Variants in TBCD observed in about 807,000 individuals in gnomAD.
TBCD encodes tubulin folding cofactor D.
TBCD carries 105 observed loss-of-function variants against 169.3 expected under a neutral mutation model. The observed-to-expected ratio is 0.62, with a 90% CI of 0.53 to 0.73. The LOEUF is 0.73. Among genes scored for constraint, TBCD ranks in the 30% least tolerant of loss-of-function variants. The probability of loss-of-function intolerance (pLI) is 0.00; values close to 1 mark genes in which losing one functional copy is unlikely to be tolerated. For missense variants in TBCD, 1,444 were observed against 1,600.1 expected, an observed-to-expected ratio of 0.90 and a Z score of 1.66; for synonymous variants, 700 against 643.9, an observed-to-expected ratio of 1.09 and a Z score of -1.32.
intron 17 of TBCD, among the ~76,000 whole-genome samples, chr17:82,897,302 G>A (rs1313935356): frequency 6.6e-6 from 1 of 151,994 alleles, no homozygotes; most frequent in African/African-American, 2.4e-5. Context: ...GGCAGATCAC[G>A]AGGTCAAGAG....
At chr17:82,869,035 T>C (rs1465014555) in intron 13 of TBCD, among the ~76,000 whole-genome samples, 1 of 151,482 alleles carries the variant, frequency 6.6e-6, no homozygotes, top group Non-Finnish European at 1.5e-5. Flanking sequence ...GGCCTTGGTG[T>C]GTGGGTGCTT....
rs752766109 is a variant in TBCD at position 82,900,709 on chromosome 17, A to T, written c.1708A>T (p.Met570Leu). The change falls in exon 18 of 39, where the codon ATG becomes TTG. Residue 570 changes from methionine to leucine, a missense_variant. Met to Leu is a conservative substitution (Grantham distance 15). Coordinates refer to ENST00000355528, the MANE Select transcript of TBCD (RefSeq NM_005993.5). ...TQPMIDHLVT[M>L]KISHWDGVIR... ...GCCAATGATAGACCACCTGGTTACC[A>T]TGAAGATCAGCCACTGGGATGGGTA... 1 of 1,613,990 alleles carries T rather than the reference A, an allele frequency of 6.2e-7. No individual in the cohort carries two copies. The highest frequency in any genetic ancestry group is 1.1e-5 in the South Asian group (1 of 91,078).
chr17:82,886,637 TCCC>T, intron 15 of TBCD, among the ~76,000 whole-genome samples: 1 of 3,816 alleles, frequency 2.6e-4, no homozygotes, highest in African/African-American at 1.2e-3. Context: ...TGCAGTTTTC[TCCC>T]CTCCCCTCCC....
Position 82,806,105 on chromosome 17 carries a change from G to T in TBCD, c.1087+94G>T. Reference sequence around the variant, plus strand: ...CCACACTTCCTTCTTCCTTGCTGGTGCCGGCACTGTCTGGCCACCCGTCCC... The same window carrying T: ...CCACACTTCCTTCTTCCTTGCTGGTTCCGGCACTGTCTGGCCACCCGTCCC... On this transcript the variant is annotated intron_variant, in intron 10 of 38. Coordinates refer to ENST00000355528, the MANE Select transcript of TBCD (RefSeq NM_005993.5). This position sits in a 1 kb window ranked among gnomAD's most constrained non-coding sequence, Gnocchi z 5.1. 3 of 1,520,668 alleles carry T rather than the reference G, an allele frequency of 2.0e-6. No homozygotes were observed. In the South Asian group the frequency reaches 3.8e-5, roughly 19 times the overall value. 94.2% of individuals were successfully genotyped at this position (1,520,668 alleles called of 1,614,324 possible).
At chr17:82,932,592 GC>G in intron 33 of TBCD, 65 bp from the exon 34 acceptor site, 1 of 1,345,486 alleles carries the variant, frequency 7.4e-7, no homozygotes. Context: ...CTGACTCTCA[GC>G]CATTCAGGGA....
At chr17:82,894,989 A>G (rs1047787378) in intron 17 of TBCD, among the ~76,000 whole-genome samples, 1 of 152,180 alleles carries the variant, frequency 6.6e-6, no homozygotes, top group African/African-American at 2.4e-5. Flanking sequence ...GAAAAAGACA[A>G]TCTACCACCT....
At chr17:82,807,491 T>C in intron 10 of TBCD, 117 bp from the exon 11 acceptor site, 1 of 549,270 alleles carries the variant, frequency 1.8e-6, no homozygotes, top group Non-Finnish European at 2.8e-6. Flanking sequence ...ATTAATATTG[T>C]TAATGTAATT....
intron 12 of TBCD, 51 bp downstream of exon 12, chr17:82,809,833 G>T (rs2051295836): frequency 4.5e-6 from 7 of 1,562,926 alleles, no homozygotes; most frequent in Middle Eastern, 3.3e-4. Flanking sequence ...GAGTTGAGAA[G>T]CCCTGGCTTT....
intron 38 of TBCD, 111 bp downstream of exon 38, chr17:82,941,594 CCCT>C: frequency 1.1e-6 from 1 of 942,892 alleles, no homozygotes; most frequent in South Asian, 1.6e-5. Flanking sequence ...ACGGCCCGTT[CCCT>C]CGTCTCATGT....
chr17:82,934,995 C>G (rs978411447), intron 34 of TBCD, among the ~76,000 whole-genome samples: 1 of 151,968 alleles, frequency 6.6e-6, no homozygotes, highest in African/African-American at 2.4e-5. Context: ...GCCTGGGAGG[C>G]GAAGGTTGCC....
At chr17:82,793,348 T>C (rs756509664) in intron 7 of TBCD, among the ~76,000 whole-genome samples, 3 of 152,164 alleles carry the variant, frequency 2.0e-5, no homozygotes, top group Admixed American at 6.5e-5. Flanking sequence ...CTCTCTTCTG[T>C]TTCTGAGCGC....
intron 13 of TBCD, chr17:82,838,675 A>T: frequency 1.0e-6 from 1 of 985,452 alleles, no homozygotes; most frequent in South Asian, 4.7e-5. Flanking sequence ...ACTCCCTCCC[A>T]GCCTTTCGGT....
chr17:82,839,078 C>T (rs1026265100), intron 13 of TBCD: 1 of 741,714 alleles, frequency 1.3e-6, no homozygotes, highest in African/African-American at 1.9e-5. Flanking sequence ...AAACTTAACC[C>T]CTTTGGTTTG....
At position 82,944,703 on chromosome 17, in the gene TBCD, G is replaced by A. The variant is rs1471727232; in HGVS notation, c.*2240G>A. 2 of 152,174 alleles carry A rather than the reference G, an allele frequency of 1.3e-5. No homozygotes were observed. The highest frequency in any genetic ancestry group is 2.9e-5 in the Non-Finnish European group (2 of 68,040). 9.4% of individuals were successfully genotyped at this position (152,174 alleles called of 1,614,324 possible). A position where few individuals can be genotyped will look rare whatever the true frequency, so the allele number is the denominator to read the frequency against. On this transcript the variant is annotated 3_prime_UTR_variant, in exon 39 of 39. Coordinates refer to ENST00000355528, the MANE Select transcript of TBCD (RefSeq NM_005993.5). ...ACCGGGGAGCTGATGTGGGATTTGT[G>A]TACCCACAAACACGTTCTAGGTGCT...
intron 7 of TBCD, among the ~76,000 whole-genome samples, chr17:82,786,564 A>G (rs1187548845): frequency 6.6e-6 from 1 of 152,196 alleles, no homozygotes; most frequent in African/African-American, 2.4e-5. Context: ...TCAGCAGGAT[A>G]TCCCAGCCTT....
Position 82,779,760 on chromosome 17 carries a change from TG to T in TBCD, c.639-1827del, listed in dbSNP as rs926864763. Among the ~76,000 whole-genome samples, 18 of 151,652 alleles carry T rather than the reference TG, an allele frequency of 1.2e-4. 1 individual carries two copies. Among genetic ancestry groups the T allele is most frequent in the African/African-American group, 4.4e-4 (18 of 41,246 alleles). ...GGGATGGCCGGAGTTGAAGTTGCAG[TG>T]GAGATGACGTGGGGGCCGGAGGGAG... is the stretch of plus-strand genomic sequence containing the variant. On this transcript the variant is annotated intron_variant, in intron 6 of 38. Coordinates refer to ENST00000355528, the MANE Select transcript of TBCD (RefSeq NM_005993.5).
chr17:82,921,489 A>T lies in TBCD; in HGVS notation c.2102-12A>T. 1 of 1,613,806 alleles carries T rather than the reference A, an allele frequency of 6.2e-7. No homozygotes were observed. On this transcript the variant is annotated splice_polypyrimidine_tract_variant and intron_variant, in intron 24 of 38. Transcript: ENST00000355528. ...TTGATTGCCTGGGTACGCTAACTTG[A>T]TTTTTTGACAGATGGTTGGCAATGG...
chr17:82,764,470 C>T (rs2047926182), intron 3 of TBCD, among the ~76,000 whole-genome samples: 1 of 152,132 alleles, frequency 6.6e-6, no homozygotes, highest in African/African-American at 2.4e-5. Flanking sequence ...CATGGTGAAA[C>T]CCCGTCTCTA....
intron 13 of TBCD, among the ~76,000 whole-genome samples, chr17:82,855,406 A>G (rs1232613863): frequency 2.6e-5 from 4 of 151,690 alleles, no homozygotes; most frequent in Non-Finnish European, 4.4e-5. Context: ...CTGTGGCACT[A>G]TGGGTGCATG....
Sources: allele counts gnomAD v4.1 joint callset (sites outside exome capture counted in the v4.1 genomes callset), GRCh38; gene constraint gnomAD v4.1.1; non-coding constraint Gnocchi (gnomAD v3.1); transcripts MANE v1.5; gene names NCBI Gene and HGNC (gene_info 2026-07-23, HGNC 2026-07-21).